The following ALK variants were observed in gnomAD, a reference collection of about 807,000 sequenced individuals.
ALK encodes the protein ALK receptor tyrosine kinase, also known as ALK tyrosine kinase receptor.
A neutral mutation model predicts 163.1 loss-of-function variants in ALK; 74 were observed. That is an observed-to-expected ratio of 0.45 (90% confidence interval 0.38 to 0.55). The LOEUF is 0.55. Among genes scored for constraint, ALK ranks in the 20% least tolerant of loss-of-function variants. The pLI, the probability that ALK is intolerant of heterozygous loss-of-function variation, is 0.00. For synonymous variants in ALK, 960 were observed against 843.2 expected (o/e 1.14, Z -2.40); for missense variants, 2,063 against 2,105.3 (o/e 0.98, Z 0.39).
At chr2:29,754,459 T>C (rs895353531) in intron 1 of ALK, among the ~76,000 whole-genome samples, 4 of 152,172 alleles carry the variant, frequency 2.6e-5, no homozygotes, top group Non-Finnish European at 5.9e-5. Context: ...ACTCAGTCTC[T>C]TCATCTGTGA....
chr2:29,401,697 C>T (rs781147958), intron 4 of ALK, among the ~76,000 whole-genome samples: 3 of 152,154 alleles, frequency 2.0e-5, no homozygotes, highest in South Asian at 2.1e-4. Context: ...TCCTGTCTAG[C>T]GCCTCCCACG....
intron 3 of ALK, among the ~76,000 whole-genome samples, chr2:29,635,574 A>G (rs1407056950): frequency 1.3e-5 from 2 of 151,904 alleles, no homozygotes; most frequent in African/African-American, 2.4e-5. Flanking sequence ...TTGATTTTTA[A>G]TTTCTGGCCT....
intron 1 of ALK, among the ~76,000 whole-genome samples, chr2:29,869,514 GA>G (rs1666523864): frequency 6.6e-6 from 1 of 152,086 alleles, no homozygotes; most frequent in Admixed American, 6.6e-5. Flanking sequence ...AGTAAGGAAG[GA>G]ACGAATTATT....
chr2:29,337,309 C>T (rs968811848), intron 5 of ALK, among the ~76,000 whole-genome samples: 2 of 152,204 alleles, frequency 1.3e-5, no homozygotes, highest in Admixed American at 1.3e-4. Context: ...CTATGGATGG[C>T]TGCTGGTGGG....
At chr2:29,610,093 C>T (rs1675649556) in intron 3 of ALK, among the ~76,000 whole-genome samples, 1 of 152,132 alleles carries the variant, frequency 6.6e-6, no homozygotes, top group Admixed American at 6.5e-5. Flanking sequence ...GCCTGTGAAC[C>T]CAGAAAAGAG....
chr2:29,414,309 G>C (rs557251037), intron 4 of ALK, among the ~76,000 whole-genome samples: 29 of 152,314 alleles, frequency 1.9e-4, no homozygotes, highest in African/African-American at 6.0e-4. Flanking sequence ...CTGAAATAGT[G>C]TGACTTAAAA....
chr2:29,376,061 C>T (rs922692909), intron 5 of ALK, among the ~76,000 whole-genome samples: 10 of 152,214 alleles, frequency 6.6e-5, no homozygotes, highest in Middle Eastern at 3.4e-3. Flanking sequence ...TCCCTCTGGC[C>T]GGAAAGATGT....
chr2:29,513,300 G>C (rs1273645795), intron 4 of ALK, among the ~76,000 whole-genome samples: 2 of 138,480 alleles, frequency 1.4e-5, no homozygotes, highest in African/African-American at 2.8e-5. Context: ...CCAAAACAGA[G>C]ATATAGATCA....
At chr2:29,899,645 T>C (rs1667359905) in intron 1 of ALK, 1 of 152,138 alleles carries the variant, frequency 6.6e-6, no homozygotes, top group African/African-American at 2.4e-5. Context: ...GCTAACACGG[T>C]GAAACCCCGT....
At chr2:29,775,752 T>C (rs1000814953) in intron 1 of ALK, among the ~76,000 whole-genome samples, 5 of 152,130 alleles carry the variant, frequency 3.3e-5, no homozygotes, top group Non-Finnish European at 7.4e-5. Flanking sequence ...CCATAGCCTA[T>C]TGTGAGGATT....
At chr2:29,367,778 G>A (rs954118700) in intron 5 of ALK, among the ~76,000 whole-genome samples, 2 of 152,190 alleles carry the variant, frequency 1.3e-5, no homozygotes, top group African/African-American at 4.8e-5. Context: ...TATATTGGCA[G>A]GGGAGAATCT....
Position 29,751,448 on chromosome 2 carries a change from A to T in ALK, c.668-33751T>A, listed in dbSNP as rs536952365. On this transcript the variant is annotated intron_variant, in intron 1 of 28. Transcript: ENST00000389048. ...CTGAAATGTTGTTATGTGGCCCGTG[A>T]CTAGTTTGATTTGGGTTCTGCCTGC... Among the ~76,000 whole-genome samples, 14 of 152,082 alleles carry T rather than the reference A, an allele frequency of 9.2e-5. 1 individual carries two copies. Among genetic ancestry groups the T allele is most frequent in the Non-Finnish European group, 1.3e-4 (9 of 67,984 alleles).
rs369166712 is a variant in ALK, at chr2:29,612,911, A to G, written c.953-80795T>C. On this transcript the variant is annotated intron_variant, in intron 3 of 28. Coordinates refer to ENST00000389048, the MANE Select transcript of ALK (RefSeq NM_004304.5). ...TTCCAGACTACATAACACCTTCAGA[A>G]CAATTCCAGAACAGTTTGGGAAGAA... 1.2e-4 allele frequency among the ~76,000 whole-genome samples: 18 copies of G among 152,288 alleles called. 1 individual carries two copies. The highest frequency in any genetic ancestry group is 4.3e-4 in the African/African-American group (18 of 41,556).
At chr2:29,771,724 C>A (rs370994405) in intron 1 of ALK, among the ~76,000 whole-genome samples, 1 of 152,012 alleles carries the variant, frequency 6.6e-6, no homozygotes, top group Non-Finnish European at 1.5e-5. Flanking sequence ...TTAGTAGAGA[C>A]GGGGTTTCAC....
rs188683878 is a variant in ALK at position 29,508,249 on chromosome 2, A to G, written c.1154+23666T>C. Among the ~76,000 whole-genome samples, 8 of 152,308 alleles carry G rather than the reference A, an allele frequency of 5.3e-5. No homozygotes were observed. In the East Asian group the frequency reaches 1.4e-3, roughly 26 times the overall value. On this transcript the variant is annotated intron_variant, in intron 4 of 28. Transcript: ENST00000389048. ...GTTAACATCTGCATGTGGACACCCA[A>G]CGCATTTCCTTTCTGACTCCTGCTA...
Position 29,855,483 on chromosome 2 carries a change from T to C in ALK, c.667+64510A>G, listed in dbSNP as rs1400553234. Among the ~76,000 whole-genome samples, 4 of 152,264 alleles carry C rather than the reference T, an allele frequency of 2.6e-5. No homozygotes were observed. The East Asian group carries it at 5.8e-4, about 22-fold the overall frequency. On this transcript the variant is annotated intron_variant, in intron 1 of 28. Coordinates refer to ENST00000389048, the MANE Select transcript of ALK (RefSeq NM_004304.5). ...TCACTACCTCACACCCCTGGGGATA[T>C]GAAAATGTAAAGATGAGAACCTTGA...
At chr2:29,356,081 C>T (rs530843540) in intron 5 of ALK, among the ~76,000 whole-genome samples, 16 of 152,158 alleles carry the variant, frequency 1.1e-4, no homozygotes, top group Admixed American at 1.3e-4. Flanking sequence ...CAAGGCCCCT[C>T]GAGGTCCAAG....
rs1572503431 is a variant in ALK at position 29,920,332 on chromosome 2, A to T, written c.328T>A (p.Trp110Arg). 2 of 1,553,012 alleles carry T rather than the reference A, an allele frequency of 1.3e-6. No homozygotes were observed. Among genetic ancestry groups the T allele is most frequent in the East Asian group, 2.4e-5 (1 of 41,274 alleles). Residue 110 changes from tryptophan to arginine, a missense_variant, in exon 1 of 29, where the codon TGG becomes AGG. This residue lies in a region of ALK where 987 missense variants were observed against 939.5 expected (regional missense o/e 1.05). Coordinates refer to ENST00000389048, the MANE Select transcript of ALK (RefSeq NM_004304.5). Reference protein sequence around the residue: ...RLLGPAPGVSWTAGSPAPAEA... With the variant: ...RLLGPAPGVSRTAGSPAPAEA... ...GCCGGGGCTGGTGAACCGGCGGTCC[A>T]GGAGACCCCCGGCGCCGGCCCCAGC...
intron 3 of ALK, among the ~76,000 whole-genome samples, chr2:29,545,208 G>A (rs1330332912): frequency 6.6e-6 from 1 of 152,176 alleles, no homozygotes; most frequent in African/African-American, 2.4e-5. Context: ...CCAGACAGTG[G>A]GTCCTCCTTT....
Sources: allele counts gnomAD v4.1 joint callset (sites outside exome capture counted in the v4.1 genomes callset), GRCh38; gene constraint gnomAD v4.1.1; regional missense constraint gnomAD v4.1.1; transcripts MANE v1.5; gene names NCBI Gene and HGNC (gene_info 2026-07-23, HGNC 2026-07-21).